The following PYHIN1 variants were observed in gnomAD, a reference collection of about 807,000 sequenced individuals.
PYHIN1 encodes the protein pyrin and HIN domain family member 1.
A neutral mutation model predicts 43.7 loss-of-function variants in PYHIN1; 32 were observed. The ratio of observed to expected loss-of-function variants is 0.73; its 90% CI spans 0.55 to 0.98. The LOEUF (loss-of-function observed/expected upper bound fraction) is 0.98, where lower values mean the gene tolerates loss of function less well. PYHIN1 is among the 50% of genes least tolerant of loss of function. The pLI is 0.00. For synonymous variants in PYHIN1, 205 were observed against 203.1 expected, an observed-to-expected ratio of 1.01 and a Z score of -0.08; for missense variants, 588 against 589.5, an observed-to-expected ratio of 1.00 and a Z score of 0.03.
chr1:158,934,688 C>T (rs903783491), intron 1 of PYHIN1, among the ~76,000 whole-genome samples: 1 of 152,070 alleles, frequency 6.6e-6, no homozygotes, highest in African/African-American at 2.4e-5. Context: ...AAGAGGTACA[C>T]AAATACATGT....
chr1:158,946,797 G>A (rs1036311366), intron 7 of PYHIN1, among the ~76,000 whole-genome samples: 1 of 152,178 alleles, frequency 6.6e-6, no homozygotes, highest in African/African-American at 2.4e-5. Flanking sequence ...TTCACAAAGA[G>A]AGGGTCCTGT....
rs1651087197 is a variant in PYHIN1, at chr1:158,973,775, C to A, written c.*5+4C>A. ...ATCCAGCAGTTCCTTAAATAAGGTA[C>A]CACCTTTCTATTTGCATTGCTGTAC... On this transcript the variant is annotated splice_donor_region_variant and intron_variant, in intron 8 of 8. Coordinates refer to ENST00000368140, the MANE Select transcript of PYHIN1 (RefSeq NM_152501.5). The A allele has an allele frequency of 2.5e-6, 4 of 1,612,494 alleles. No individual in the cohort carries two copies. Among genetic ancestry groups the A allele is most frequent in the Non-Finnish European group, 3.4e-6 (4 of 1,179,116 alleles).
rs573846697 is a variant in PYHIN1, at chr1:158,976,996, T to C, written c.*301T>C. 153 of 198,698 alleles carry C rather than the reference T, an allele frequency of 7.7e-4. 1 individual carries two copies. The highest frequency in any genetic ancestry group is 3.5e-3 in the African/African-American group (144 of 41,532). 12.3% of individuals were successfully genotyped at this position (198,698 alleles called of 1,614,324 possible). On this transcript the variant is annotated 3_prime_UTR_variant, in exon 9 of 9. Coordinates refer to ENST00000368140, the MANE Select transcript of PYHIN1 (RefSeq NM_152501.5). ...TTTACTTTTATGCATTTTCTTCATA[T>C]CATATTTTGCATTCAGAATTTTCAT...
chr1:158,939,425 T>C, intron 4 of PYHIN1, 178 bp downstream of exon 4: 1 of 1,554,952 alleles, frequency 6.4e-7, no homozygotes, highest in South Asian at 1.2e-5. Context: ...AACTTGACAT[T>C]ATCTCTGACT....
At chr1:158,939,660 T>G in intron 4 of PYHIN1, 1 of 767,946 alleles carries the variant, frequency 1.3e-6, no homozygotes, top group Non-Finnish European at 2.2e-6. Flanking sequence ...TGGCCAACCC[T>G]ATCCACCCTC....
At chr1:158,934,109 C>T (rs935651022) in intron 1 of PYHIN1, among the ~76,000 whole-genome samples, 6 of 151,880 alleles carry the variant, frequency 4.0e-5, no homozygotes, top group South Asian at 4.2e-4. Context: ...CTGGGGGGCT[C>T]GGTATGTTTT....
rs185090767 is a variant in PYHIN1 at position 158,943,004 on chromosome 1, G to A, written c.1002+605G>A. 1.4e-4 allele frequency among the ~76,000 whole-genome samples: 22 copies of A among 152,024 alleles called. No homozygotes were observed. In the East Asian group the frequency reaches 1.9e-3, roughly 13 times the overall value. ...TCTGTACTCGTATATTAGATATGTC[G>A]CAAAAAAAGAGCAGAAAAAATTTTC... is the stretch of plus-strand genomic sequence containing the variant. On this transcript the variant is annotated intron_variant, in intron 5 of 8. Coordinates refer to ENST00000368140, the MANE Select transcript of PYHIN1 (RefSeq NM_152501.5).
rs1322134724 is a variant in PYHIN1 at position 158,939,601 on chromosome 1, C to T, written c.579+354C>T. The T allele has an allele frequency of 1.2e-5, 16 of 1,349,174 alleles. No individual in the cohort carries two copies. In the Admixed American group the frequency reaches 3.2e-4, roughly 27 times the overall value. The allele number at this position is 1,349,174 out of a possible 1,614,324, so 83.6% of individuals were successfully genotyped here. Reference sequence around the variant, plus strand: ...TCTGACATACACCATGCTCCTTTTTCCTTTAGGATTTTCACACACCATATT... The same window carrying T: ...TCTGACATACACCATGCTCCTTTTTTCTTTAGGATTTTCACACACCATATT... On this transcript the variant is annotated intron_variant, in intron 4 of 8. Transcript: ENST00000368140.
the PYHIN1 span, among the ~76,000 whole-genome samples, chr1:158,982,148 C>T: frequency 6.6e-6 from 1 of 152,140 alleles, no homozygotes; most frequent in Non-Finnish European, 1.5e-5. Context: ...TTAGATCTCA[C>T]TTGTCAATTT....
chr1:158,984,277 G>A, the PYHIN1 span, among the ~76,000 whole-genome samples: 2 of 151,746 alleles, frequency 1.3e-5, no homozygotes, highest in African/African-American at 4.8e-5. Context: ...TTTGATGTAG[G>A]CCTTTAGTGC....
At chr1:158,982,883 T>C in the PYHIN1 span, among the ~76,000 whole-genome samples, 6,268 of 152,094 alleles carry the variant, frequency 0.041, 353 homozygotes, top group East Asian at 0.26. Flanking sequence ...TTCCTATGTG[T>C]TTATTCTTTG....
At chr1:158,974,113 C>T (rs920565687) in intron 8 of PYHIN1, among the ~76,000 whole-genome samples, 7 of 152,032 alleles carry the variant, frequency 4.6e-5, no homozygotes, top group Non-Finnish European at 5.9e-5. Flanking sequence ...TTTTCCACTA[C>T]GACTAATGAC....
At chr1:158,961,194 T>G (rs1393682341) in intron 7 of PYHIN1, among the ~76,000 whole-genome samples, 1 of 152,190 alleles carries the variant, frequency 6.6e-6, no homozygotes, top group Non-Finnish European at 1.5e-5. Context: ...ACTCACAGCC[T>G]TATACATAAG....
intron 5 of PYHIN1, among the ~76,000 whole-genome samples, chr1:158,943,459 C>T (rs2101661063): frequency 6.6e-6 from 1 of 152,154 alleles, no homozygotes; most frequent in South Asian, 2.1e-4. Flanking sequence ...GGGGCAGAGG[C>T]CAAATAAGCC....
intron 7 of PYHIN1, among the ~76,000 whole-genome samples, chr1:158,971,449 T>C (rs1402039413): frequency 6.6e-6 from 1 of 151,766 alleles, no homozygotes; most frequent in African/African-American, 2.4e-5. Flanking sequence ...TATAAAGACA[T>C]GTTCTGGGAA....
Position 158,937,102 on chromosome 1 carries a change from A to G in PYHIN1, c.192A>G (p.Lys64=). 1 of 1,613,616 alleles carries G rather than the reference A, an allele frequency of 6.2e-7. No individual in the cohort carries two copies. ...TCCCAGGTGATGCCGGTTTGGGCAA[A>G]CTAATAGAATTCTTCAAAGAAATAC... ...EKFPGDAGLG[K]LIEFFKEIPT... Residue 64 remains lysine (K), a synonymous_variant, in exon 2 of 9, where the codon AAA becomes AAG. Coordinates refer to ENST00000368140, the MANE Select transcript of PYHIN1 (RefSeq NM_152501.5).
intron 7 of PYHIN1, among the ~76,000 whole-genome samples, chr1:158,963,432 G>A (rs1348443330): frequency 6.6e-6 from 1 of 151,914 alleles, no homozygotes; most frequent in Non-Finnish European, 1.5e-5. Flanking sequence ...CACTGCTAAG[G>A]TTTCTTCTGC....
chr1:158,957,964 T>G (rs1457288499), intron 7 of PYHIN1, among the ~76,000 whole-genome samples: 3 of 152,040 alleles, frequency 2.0e-5, no homozygotes, highest in Non-Finnish European at 4.4e-5. Flanking sequence ...CAGACACTTC[T>G]CAAAAGAAGA....
intron 7 of PYHIN1, among the ~76,000 whole-genome samples, chr1:158,952,444 C>T (rs1444499115): frequency 6.6e-6 from 1 of 152,112 alleles, no homozygotes; most frequent in Non-Finnish European, 1.5e-5. Context: ...GTGAACGGCT[C>T]CCCTTTTAAT....
Sources: gnomAD v4.1 joint callset for allele counts (sites outside exome capture counted in the v4.1 genomes callset) on GRCh38, gnomAD v4.1.1 for gene constraint, MANE v1.5 for transcripts, NCBI Gene and HGNC (gene_info 2026-07-23, HGNC 2026-07-21) for gene names.